The following RTN4RL1 variants were observed in gnomAD, a reference collection of about 807,000 sequenced individuals.
The protein encoded by RTN4RL1 is reticulon 4 receptor like 1, also known as reticulon-4 receptor-like 1.
In RTN4RL1, 7 loss-of-function variants were observed where a neutral mutation model predicts 25.6. That is an observed-to-expected ratio of 0.27 (90% CI 0.16 to 0.51). RTN4RL1 has a LOEUF of 0.51. RTN4RL1 is among the 20% of genes least tolerant of loss of function. The pLI, the probability that RTN4RL1 is intolerant of heterozygous loss-of-function variation, is 0.97. For missense variants in RTN4RL1, 500 were observed against 615.6 expected (o/e 0.81, Z 1.99); for synonymous variants, 297 against 288.2 (o/e 1.03, Z -0.31).
intron 1 of RTN4RL1, among the ~76,000 whole-genome samples, chr17:1,964,412 A>AC (rs967151318): frequency 3.0e-4 from 45 of 152,060 alleles, no homozygotes; most frequent in African/African-American, 1.0e-3. Context: ...ACATGGCAAG[A>AC]CCCCCATCTC....
intron 1 of RTN4RL1, among the ~76,000 whole-genome samples, chr17:1,978,737 G>A (rs1048417238): frequency 2.6e-5 from 4 of 152,208 alleles, no homozygotes; most frequent in Non-Finnish European, 5.9e-5. Context: ...CTCAGAGAAA[G>A]AAATGGTTCC....
At chr17:1,966,209 C>T (rs1272841350) in intron 1 of RTN4RL1, among the ~76,000 whole-genome samples, 3 of 152,136 alleles carry the variant, frequency 2.0e-5, no homozygotes, top group East Asian at 1.9e-4. Flanking sequence ...GTGTCCAAGC[C>T]GCGTACGATT....
At chr17:1,964,625 G>A (rs931320119) in intron 1 of RTN4RL1, among the ~76,000 whole-genome samples, 25 of 151,684 alleles carry the variant, frequency 1.6e-4, no homozygotes, top group Admixed American at 6.6e-4. Flanking sequence ...CCAGCTACTC[G>A]GGAGGCTGAG....
chr17:1,991,734 G>A (rs2066909848), intron 1 of RTN4RL1, among the ~76,000 whole-genome samples: 1 of 152,172 alleles, frequency 6.6e-6, no homozygotes, highest in Non-Finnish European at 1.5e-5. Context: ...ATTCCTCGCA[G>A]CGGAAAATCC....
rs1427906446 is a variant in RTN4RL1 at position 2,025,142 on chromosome 17, G to C, written c.-277C>G. 1 of 317,246 alleles carries C rather than the reference G, an allele frequency of 3.2e-6. No individual in the cohort carries two copies. The highest frequency in any genetic ancestry group is 2.2e-5 in the African/African-American group (1 of 45,922). The allele number at this position is 317,246 out of a possible 1,614,324, so 19.7% of individuals were successfully genotyped here. On this transcript the variant is annotated 5_prime_UTR_variant, in exon 1 of 2. Coordinates refer to ENST00000331238, the MANE Select transcript of RTN4RL1 (RefSeq NM_178568.4). The surrounding 1 kb of genome is among the most constrained non-coding windows in gnomAD (Gnocchi z 4.8). Reference sequence around the variant, plus strand: ...GAGCGGCTTGCTCCGCGGAGCCGGCGGCCTGCTTCTGCCACCCGGAGCACT... The same window carrying C: ...GAGCGGCTTGCTCCGCGGAGCCGGCCGCCTGCTTCTGCCACCCGGAGCACT...
At chr17:1,957,386 G>A (rs1191455853) in intron 1 of RTN4RL1, among the ~76,000 whole-genome samples, 2 of 152,208 alleles carry the variant, frequency 1.3e-5, no homozygotes, top group African/African-American at 4.8e-5. Flanking sequence ...AGAGGAGACC[G>A]TGGGGAAGGG....
Position 1,967,459 on chromosome 17 carries a change from G to A in RTN4RL1, c.14-29651C>T, listed in dbSNP as rs536344662. 7.9e-5 allele frequency among the ~76,000 whole-genome samples: 12 copies of A among 151,432 alleles called. No individual in the cohort carries two copies. In the South Asian group the frequency reaches 2.5e-3, roughly 32 times the overall value. On this transcript the variant is annotated intron_variant, in intron 1 of 1. Transcript: ENST00000331238. ...CCTCTCCCCTTGAACCACAAAACCC[G>A]CCCAACCCAAATCTCCCTGCAGCCA...
At position 2,012,723 on chromosome 17, in the gene RTN4RL1, A is replaced by T. The variant is rs148688346; in HGVS notation, c.13+12130T>A. On this transcript the variant is annotated intron_variant, in intron 1 of 1. Transcript: ENST00000331238. ...TACAATCATTCAATCAACATTTATTAGCCAATCAACTCAAGTCTACTGATC... is the reference window on the plus strand; with the variant it reads ...TACAATCATTCAATCAACATTTATTTGCCAATCAACTCAAGTCTACTGATC... Among the ~76,000 whole-genome samples, 301 of 152,126 alleles carry T rather than the reference A, an allele frequency of 2.0e-3. 1 individual carries two copies. The highest frequency in any genetic ancestry group is 3.4e-3 in the Middle Eastern group (1 of 294).
At chr17:1,987,017 G>A (rs183753386) in intron 1 of RTN4RL1, among the ~76,000 whole-genome samples, 14 of 152,296 alleles carry the variant, frequency 9.2e-5, no homozygotes, top group South Asian at 4.1e-4. Flanking sequence ...CTGCCGCTGC[G>A]ACAAGGGGAC....
At chr17:1,971,665 A>AC (rs912099432) in intron 1 of RTN4RL1, among the ~76,000 whole-genome samples, 53 of 94,434 alleles carry the variant, frequency 5.6e-4, no homozygotes, top group African/African-American at 1.9e-3. Context: ...CCCTGTCTCT[A>AC]CAAAAAAAAA....
intron 1 of RTN4RL1, chr17:2,019,780 G>C (rs1170589723): frequency 2.0e-5 from 3 of 152,254 alleles, no homozygotes. Flanking sequence ...CGTGCTGGGA[G>C]TTTGGGTCAT....
chr17:1,984,731 C>G (rs148300724), intron 1 of RTN4RL1, among the ~76,000 whole-genome samples: 26 of 152,342 alleles, frequency 1.7e-4, no homozygotes, highest in African/African-American at 5.3e-4. Context: ...CTTCGGGAGA[C>G]CGAGGCCAGT....
At chr17:1,986,812 A>G (rs577256974) in intron 1 of RTN4RL1, among the ~76,000 whole-genome samples, 6 of 149,624 alleles carry the variant, frequency 4.0e-5, no homozygotes, top group African/African-American at 1.5e-4. Context: ...GGCTGACCCC[A>G]GACTCAGGCC....
chr17:1,939,743 C>A (rs1265850862), intron 1 of RTN4RL1, among the ~76,000 whole-genome samples: 1 of 152,206 alleles, frequency 6.6e-6, no homozygotes, highest in Admixed American at 6.5e-5. Flanking sequence ...TACGGACGAT[C>A]GTCATTACCT....
At chr17:1,964,783 C>G (rs370654976) in intron 1 of RTN4RL1, among the ~76,000 whole-genome samples, 5 of 133,338 alleles carry the variant, frequency 3.7e-5, no homozygotes, top group African/African-American at 1.4e-4. Context: ...CATTTCTTTT[C>G]TTTTCTTTTT....
Position 1,935,510 on chromosome 17 carries a change from G to C in RTN4RL1, c.*986C>G. ...TTCCTCACCGTCCCGCCGACACCTT[G>C]CCCCAGGCCCTTGGCAAGGCCAGGT... On this transcript the variant is annotated 3_prime_UTR_variant, in exon 2 of 2. Coordinates refer to ENST00000331238, the MANE Select transcript of RTN4RL1 (RefSeq NM_178568.4). The C allele has an allele frequency of 1.0e-6, 1 of 984,372 alleles. No individual in the cohort carries two copies. 61.0% of individuals were successfully genotyped at this position (984,372 alleles called of 1,614,324 possible).
At chr17:1,965,245 G>A (rs2066785459) in intron 1 of RTN4RL1, among the ~76,000 whole-genome samples, 1 of 151,586 alleles carries the variant, frequency 6.6e-6, no homozygotes, top group Non-Finnish European at 1.5e-5. Flanking sequence ...AAGTAGCTGG[G>A]ATTACAGGCG....
At chr17:1,949,426 C>G (rs1357171191) in intron 1 of RTN4RL1, among the ~76,000 whole-genome samples, 1 of 152,190 alleles carries the variant, frequency 6.6e-6, no homozygotes, top group Non-Finnish European at 1.5e-5. Flanking sequence ...GGCCCTGGTG[C>G]TCACGGGCAG....
At chr17:1,959,427 C>T (rs554373115) in intron 1 of RTN4RL1, among the ~76,000 whole-genome samples, 169 of 152,258 alleles carry the variant, frequency 1.1e-3, no homozygotes, top group African/African-American at 3.8e-3. Flanking sequence ...GTCTGCCTTG[C>T]TGCCTGCTTC....
Sources: allele counts gnomAD v4.1 joint callset (sites outside exome capture counted in the v4.1 genomes callset), GRCh38; gene constraint gnomAD v4.1.1; non-coding constraint Gnocchi (gnomAD v3.1); transcripts MANE v1.5; gene names NCBI Gene and HGNC (gene_info 2026-07-23, HGNC 2026-07-21).